The following MECOM variants were observed in gnomAD, a reference collection of about 807,000 sequenced individuals.
The protein encoded by MECOM is MDS1 and EVI1 complex locus.
A neutral mutation model predicts 116.3 loss-of-function variants in MECOM; 13 were observed. That is an observed-to-expected ratio of 0.11 (90% CI 0.07 to 0.18). MECOM has a LOEUF of 0.18. Among genes scored for constraint, MECOM ranks in the 10% least tolerant of loss-of-function variants. The pLI, the probability that MECOM is intolerant of heterozygous loss-of-function variation, is 1.00. For missense variants in MECOM, 1,299 were observed against 1,509.0 expected (o/e 0.86, Z 2.31); for synonymous variants, 528 against 535.2 (o/e 0.99, Z 0.19).
intron 1 of MECOM, among the ~76,000 whole-genome samples, chr3:169,651,099 A>C (rs903597046): frequency 1.3e-5 from 2 of 152,186 alleles, no homozygotes; most frequent in African/African-American, 4.8e-5. Context: ...TGCAGACGGA[A>C]TGCTTTCAAC....
At chr3:169,140,876 C>T (rs1737890210) in intron 3 of MECOM, among the ~76,000 whole-genome samples, 1 of 151,878 alleles carries the variant, frequency 6.6e-6, no homozygotes, top group Admixed American at 6.6e-5. Context: ...AACCAAAATC[C>T]ATGCTGTTTC....
chr3:169,213,255 C>T (rs539199008), intron 2 of MECOM, among the ~76,000 whole-genome samples: 2 of 151,894 alleles, frequency 1.3e-5, no homozygotes, highest in South Asian at 2.1e-4. Context: ...TTTGAATTAA[C>T]GAGTCTTTAT....
intron 1 of MECOM, among the ~76,000 whole-genome samples, chr3:169,420,442 A>G (rs987809821): frequency 5.3e-5 from 8 of 152,174 alleles, no homozygotes. Flanking sequence ...CCAAGAACCC[A>G]TGGATCTGAA....
At position 169,378,429 on chromosome 3, in the gene MECOM, GA is replaced by G. The variant is rs747640913; in HGVS notation, c.375+2757del. On this transcript the variant is annotated intron_variant, in intron 2 of 16. Transcript: ENST00000651503. ...AGAAAGAAAGAAAGAAAGAAAGAAA[GA>G]AAGAAAGAAAGAAAGAAAGAAGGAA... 6.6e-5 allele frequency among the ~76,000 whole-genome samples: 5 copies of G among 75,886 alleles called. No individual in the cohort carries two copies. In the East Asian group the frequency reaches 9.6e-4, roughly 15 times the overall value. 49.8% of individuals were successfully genotyped at this position (75,886 alleles called of 152,430 possible). A position where few individuals can be genotyped will look rare whatever the true frequency, so the allele number is the denominator to read the frequency against.
At chr3:169,148,694 C>A (rs1487337275) in intron 2 of MECOM, among the ~76,000 whole-genome samples, 1 of 152,136 alleles carries the variant, frequency 6.6e-6, no homozygotes, top group Non-Finnish European at 1.5e-5. Context: ...AACGGGATAA[C>A]ACAAGTGCCA....
intron 1 of MECOM, among the ~76,000 whole-genome samples, chr3:169,659,060 C>A (rs1286569763): frequency 7.1e-6 from 1 of 140,194 alleles, no homozygotes; most frequent in African/African-American, 2.8e-5. Flanking sequence ...TACGACTCCT[C>A]ACCTTCAACT....
At chr3:169,225,392 G>T (rs1568098) in intron 2 of MECOM, among the ~76,000 whole-genome samples, 15,581 of 152,134 alleles carry the variant, frequency 0.1, 908 homozygotes, top group Non-Finnish European at 0.13. Context: ...GTGGTTTGAG[G>T]TGGGCCAAGG....
chr3:169,160,673 T>C (rs1206437940), intron 2 of MECOM, among the ~76,000 whole-genome samples: 2 of 151,072 alleles, frequency 1.3e-5, no homozygotes, highest in Non-Finnish European at 3.0e-5. Context: ...ACTAAAAGAG[T>C]ATAACTGAGT....
rs191645010 is a variant in MECOM, at chr3:169,133,236, T to A, written c.511-1705A>T. The A allele has an allele frequency of 2.5e-3, 374 of 152,290 alleles. 4 individuals are homozygous for A. Among genetic ancestry groups the A allele is most frequent in the African/African-American group, 8.5e-3 (355 of 41,554 alleles). 9.4% of individuals were successfully genotyped at this position (152,290 alleles called of 1,614,324 possible). A position where few individuals can be genotyped will look rare whatever the true frequency, so the allele number is the denominator to read the frequency against. On this transcript the variant is annotated intron_variant, in intron 3 of 16. Coordinates refer to ENST00000651503, the MANE Select transcript of MECOM (RefSeq NM_004991.4). ...TGGTTTTTTGCAAGATCACATGATA[T>A]TTCAAACTAAGAAAAGCTGCATAAG... is the stretch of plus-strand genomic sequence containing the variant.
intron 1 of MECOM, among the ~76,000 whole-genome samples, chr3:169,597,426 A>G (rs1767269605): frequency 6.6e-6 from 1 of 152,226 alleles, no homozygotes; most frequent in African/African-American, 2.4e-5. Context: ...GAAAACCAAC[A>G]TAGACAGCCC....
chr3:169,299,002 T>C (rs939377936), intron 2 of MECOM, among the ~76,000 whole-genome samples: 1 of 152,198 alleles, frequency 6.6e-6, no homozygotes, highest in Non-Finnish European at 1.5e-5. Flanking sequence ...GAACTACTTA[T>C]CTTGGAGAGA....
chr3:169,172,263 C>T (rs940330466), intron 2 of MECOM, among the ~76,000 whole-genome samples: 5 of 145,686 alleles, frequency 3.4e-5, no homozygotes, highest in African/African-American at 7.3e-5. Context: ...TTAACTTTTT[C>T]TTGTTTTTTT....
intron 1 of MECOM, among the ~76,000 whole-genome samples, chr3:169,514,016 T>G (rs934870387): frequency 6.6e-6 from 1 of 152,196 alleles, no homozygotes; most frequent in African/African-American, 2.4e-5. Flanking sequence ...AGACCTAATA[T>G]TTCACAATTG....
intron 2 of MECOM, among the ~76,000 whole-genome samples, chr3:169,292,987 C>A (rs1038400034): frequency 7.2e-5 from 11 of 152,074 alleles, no homozygotes; most frequent in African/African-American, 1.9e-4. Context: ...ATGTGGACCA[C>A]CTAAGCTCAG....
At chr3:169,655,331 T>A (rs1775413751) in intron 1 of MECOM, among the ~76,000 whole-genome samples, 1 of 152,164 alleles carries the variant, frequency 6.6e-6, no homozygotes, top group Non-Finnish European at 1.5e-5. Context: ...ACCTGCAAAT[T>A]TACAGGCTCT....
At chr3:169,506,480 G>A (rs1208207405) in intron 1 of MECOM, among the ~76,000 whole-genome samples, 2 of 119,314 alleles carry the variant, frequency 1.7e-5, no homozygotes, top group African/African-American at 3.2e-5. Flanking sequence ...TTTTTTTAAA[G>A]AAAGCGCTTT....
At chr3:169,576,159 C>T (rs1185348837) in intron 1 of MECOM, among the ~76,000 whole-genome samples, 1 of 152,132 alleles carries the variant, frequency 6.6e-6, no homozygotes, top group Non-Finnish European at 1.5e-5. Context: ...CAGTAACATG[C>T]TCATCTGTAT....
chr3:169,186,383 AGGGAGGGAGGGAGGGAGGGAGGGAGGG>A (rs1559966910), intron 2 of MECOM, among the ~76,000 whole-genome samples: 981 of 25,540 alleles, frequency 0.038, 12 homozygotes, highest in African/African-American at 0.11. Flanking sequence ...GAAGGAAGGG[AGGGAGGGAGGGAGGGAGGGAGGGAGGG>A]AGGGAGGGAG....
At chr3:169,191,538 G>A (rs1188411416) in intron 2 of MECOM, among the ~76,000 whole-genome samples, 1 of 151,330 alleles carries the variant, frequency 6.6e-6, no homozygotes, top group Non-Finnish European at 1.5e-5. Flanking sequence ...GTTGTTTTTG[G>A]TAGAGGGAGG....
Sources: gnomAD v4.1 joint callset for allele counts (sites outside exome capture counted in the v4.1 genomes callset) on GRCh38, gnomAD v4.1.1 for gene constraint, MANE v1.5 for transcripts, NCBI Gene and HGNC (gene_info 2026-07-23, HGNC 2026-07-21) for gene names.